Variants in RNF121 observed in about 807,000 individuals in gnomAD.
RNF121 encodes E3 ubiquitin ligase RNF121.
In RNF121, 21 loss-of-function variants were observed where a neutral mutation model predicts 46.5. The observed-to-expected ratio is 0.45, with a 90% CI of 0.32 to 0.65. The LOEUF is 0.65. Ranked by LOEUF, RNF121 falls within the 30% of genes least tolerant of loss-of-function variation. The pLI is 0.04. For synonymous variants in RNF121, 139 were observed against 144.7 expected, an observed-to-expected ratio of 0.96 and a Z score of 0.28; for missense variants, 346 against 416.0, an observed-to-expected ratio of 0.83 and a Z score of 1.46.
chr11:71,940,160 A>G (rs1002794238), intron 1 of RNF121, among the ~76,000 whole-genome samples: 4 of 152,228 alleles, frequency 2.6e-5, no homozygotes, highest in African/African-American at 9.6e-5. Flanking sequence ...CACTAATGAT[A>G]TATTTACTGA....
At chr11:71,990,825 A>G in intron 6 of RNF121, 108 bp downstream of exon 6, 1 of 1,358,660 alleles carries the variant, frequency 7.4e-7, no homozygotes, top group South Asian at 1.4e-5. Context: ...GATAAGCCAC[A>G]TAAAATCCTT....
At position 71,982,768 on chromosome 11, in the gene RNF121, C is replaced by T. The variant is rs758154577; in HGVS notation, c.251C>T (p.Thr84Ile). Residue 84 changes from threonine to isoleucine, a missense_variant, in exon 4 of 9, where the codon ACC (threonine) becomes ATC (isoleucine). By Grantham distance (89) the Thr-to-Ile change is moderately conservative (BLOSUM62 -1). Around this residue, in one of 2 missense-constraint regions of RNF121, gnomAD observed 286 missense variants for 383.8 expected, o/e 0.75. Transcript: ENST00000361756. ...QRHPRSYNMV[T>I]LFQMWVVPLY... is the part of the protein sequence containing the mutation. ...CTTGTGTTTGTGTTTCAGATGGTGA[C>T]CCTCTTTCAGATGTGGGTTGTTCCC... 1 of 1,609,596 alleles carries T rather than the reference C, an allele frequency of 6.2e-7. No individual in the cohort carries two copies. Among genetic ancestry groups the T allele is most frequent in the Non-Finnish European group, 8.5e-7 (1 of 1,177,886 alleles).
chr11:71,964,287 T>A lies in RNF121; in HGVS notation c.243+3396T>A, dbSNP rs144512785. Among the ~76,000 whole-genome samples the A allele has an allele frequency of 5.4e-3, 819 of 152,314 alleles. 6 individuals carry two copies. Among genetic ancestry groups the A allele is most frequent in the African/African-American group, 0.016 (682 of 41,586 alleles). ...TTGATGCCATTGTTAATGGAATTTT[T>A]AAAAATTTCCTTTTTGAATTATTCA... On this transcript the variant is annotated intron_variant, in intron 3 of 8. Transcript: ENST00000361756.
intron 4 of RNF121, among the ~76,000 whole-genome samples, chr11:71,983,988 T>A (rs1256655753): frequency 6.6e-6 from 1 of 152,216 alleles, no homozygotes; most frequent in African/African-American, 2.4e-5. Context: ...CTTTGGTAGT[T>A]TACTTTAAAG....
At chr11:71,960,926 A>T in intron 3 of RNF121, 35 bp downstream of exon 3, 5 of 1,605,546 alleles carry the variant, frequency 3.1e-6, no homozygotes, top group Non-Finnish European at 4.3e-6. Flanking sequence ...TTTGTCTGTC[A>T]GTCATCAAGA....
Position 71,959,499 on chromosome 11 carries a change from GTAA to G in RNF121, c.102-1249_102-1247del, listed in dbSNP as rs982290409. Among the ~76,000 whole-genome samples the G allele has an allele frequency of 1.1e-3, 165 of 152,228 alleles. 3 individuals are homozygous for G. The highest frequency in any genetic ancestry group is 0.011 in the Admixed American group (164 of 15,292). On this transcript the variant is annotated intron_variant, in intron 2 of 8. Transcript: ENST00000361756. ...TTTCCTCCCTCCTAAATACCCTGGT[GTAA>G]TGGGAATTGTATAAAAGCTTATGAC...
At chr11:71,943,868 A>G (rs1472179926) in intron 1 of RNF121, among the ~76,000 whole-genome samples, 1 of 152,190 alleles carries the variant, frequency 6.6e-6, no homozygotes, top group African/African-American at 2.4e-5. Flanking sequence ...CCTTCAGGGA[A>G]CTGTATGCAG....
intron 1 of RNF121, among the ~76,000 whole-genome samples, chr11:71,945,161 A>G (rs956977332): frequency 6.6e-6 from 1 of 150,898 alleles, no homozygotes; most frequent in Non-Finnish European, 1.5e-5. Flanking sequence ...CTAATTTTTA[A>G]ATTTTTTGTA....
chr11:71,987,729 G>C (rs886364024), intron 5 of RNF121, among the ~76,000 whole-genome samples: 9 of 152,120 alleles, frequency 5.9e-5, no homozygotes, highest in Non-Finnish European at 1.0e-4. Flanking sequence ...GCTGACTCTT[G>C]GGCTAGACCG....
rs1954784900 is a variant in RNF121, at chr11:71,987,030, T to C, written c.425T>C (p.Ile142Thr). ...PRLVYKWFLL[I>T]YKISYATGIV... Reference sequence around the variant, plus strand: ...TTGGTTTATAAGTGGTTCCTGCTAATCTATAAAATCAGCTATGCCACTGGC... The same window carrying C: ...TTGGTTTATAAGTGGTTCCTGCTAACCTATAAAATCAGCTATGCCACTGGC... Residue 142 changes from isoleucine to threonine, a missense_variant, in exon 5 of 9, where the codon ATC becomes ACC. Transcript: ENST00000361756. The C allele has an allele frequency of 6.2e-7, 1 of 1,613,488 alleles. No individual in the cohort carries two copies.
chr11:71,938,479 C>G (rs540242115), intron 1 of RNF121, among the ~76,000 whole-genome samples: 1 of 151,974 alleles, frequency 6.6e-6, no homozygotes, highest in African/African-American at 2.4e-5. Context: ...GCCCCCACGC[C>G]TGGCTAATTT....
chr11:71,983,922 C>T (rs1954713674), intron 4 of RNF121, among the ~76,000 whole-genome samples: 1 of 152,212 alleles, frequency 6.6e-6, no homozygotes, highest in Non-Finnish European at 1.5e-5. Context: ...CTTTCTCTGG[C>T]CTTCTGGAGT....
chr11:71,995,134 C>G (rs1272237778), intron 7 of RNF121: 3 of 564,804 alleles, frequency 5.3e-6, no homozygotes, highest in Non-Finnish European at 9.5e-6. Flanking sequence ...AGAGGACCCT[C>G]TAATGGGATC....
intron 3 of RNF121, among the ~76,000 whole-genome samples, chr11:71,979,976 T>A (rs1176520816): frequency 6.6e-6 from 1 of 152,212 alleles, no homozygotes; most frequent in Non-Finnish European, 1.5e-5. Flanking sequence ...ACCCTTTTAG[T>A]TTCATGAGTT....
intron 3 of RNF121, among the ~76,000 whole-genome samples, chr11:71,966,759 G>T (rs1276615494): frequency 6.6e-6 from 1 of 151,904 alleles, no homozygotes; most frequent in Non-Finnish European, 1.5e-5. Flanking sequence ...AAAGTGTTGG[G>T]ATTATAGCAT....
intron 1 of RNF121, among the ~76,000 whole-genome samples, chr11:71,945,255 T>C (rs1449287409): frequency 6.6e-6 from 1 of 152,180 alleles, no homozygotes; most frequent in African/African-American, 2.4e-5. Flanking sequence ...TCCCAAAGTG[T>C]TGAGATTACA....
chr11:71,982,906 C>T lies in RNF121; in HGVS notation c.389C>T (p.Thr130Ile), dbSNP rs752604804. Residue 130 changes from threonine (T) to isoleucine (I), a missense_variant, in exon 4 of 9, where the codon ACA becomes ATA. Coordinates refer to ENST00000361756, the MANE Select transcript of RNF121 (RefSeq NM_018320.5). ...GCCACCCGAAAACCTCTAGTACAGA[C>T]AACCCCAAGGTGAGAGTTTAAGTAG... ...FRATRKPLVQ[T>I]TPRLVYKWFL... 1.2e-6 allele frequency: 2 copies of T among 1,608,722 alleles called. No individual in the cohort carries two copies. Among genetic ancestry groups the T allele is most frequent in the South Asian group, 1.1e-5 (1 of 90,200 alleles).
rs555189220 is a variant in RNF121 at position 71,997,050 on chromosome 11, A to G, written c.*735A>G. 6.6e-6 allele frequency: 1 copy of G among 152,378 alleles called. No individual in the cohort carries two copies. The highest frequency in any genetic ancestry group is 1.9e-4 in the East Asian group (1 of 5,186). 9.4% of individuals were successfully genotyped at this position (152,378 alleles called of 1,614,324 possible). ...CTGTGGTCAGCCAAGAATAGAGGTC[A>G]TATAGTTGGGCCATGGGGCAATTGT... On this transcript the variant is annotated 3_prime_UTR_variant, in exon 9 of 9. Transcript: ENST00000361756.
chr11:71,983,024 A>T, intron 4 of RNF121, 109 bp downstream of exon 4: 1 of 1,149,364 alleles, frequency 8.7e-7, no homozygotes. Flanking sequence ...TTGTCTGCCA[A>T]AATTATTTGG....
Sources: allele counts gnomAD v4.1 joint callset (sites outside exome capture counted in the v4.1 genomes callset), GRCh38; gene constraint gnomAD v4.1.1; regional missense constraint gnomAD v4.1.1; transcripts MANE v1.5; gene names NCBI Gene and HGNC (gene_info 2026-07-23, HGNC 2026-07-21).